UTRN: variants seen among roughly 807,000 people sequenced by gnomAD.
UTRN encodes utrophin.
In UTRN, 283 loss-of-function variants were observed where a neutral mutation model predicts 463.9. That is an observed-to-expected ratio of 0.61 (90% CI 0.55 to 0.67). UTRN has a LOEUF of 0.67. Ranked by LOEUF, UTRN falls within the 30% of genes least tolerant of loss-of-function variation. The probability of loss-of-function intolerance (pLI) is 0.00; values close to 1 mark genes in which losing one functional copy is unlikely to be tolerated. For synonymous variants in UTRN, 1,442 were observed against 1,431.5 expected (o/e 1.01, Z -0.17); for missense variants, 3,922 against 4,084.3 (o/e 0.96, Z 1.08).
chr6:144,512,513 A>G (rs1235509478), intron 35 of UTRN, among the ~76,000 whole-genome samples: 1 of 151,656 alleles, frequency 6.6e-6, no homozygotes. Flanking sequence ...GTTCAGGGGT[A>G]CAAGGGCAAG....
chr6:144,658,495 G>A (rs185429116), intron 51 of UTRN, among the ~76,000 whole-genome samples: 5 of 152,136 alleles, frequency 3.3e-5, no homozygotes, highest in African/African-American at 1.2e-4. Flanking sequence ...TGATATTTAA[G>A]CAACTCATTA....
chr6:144,694,875 T>G (rs1783825084), intron 52 of UTRN, among the ~76,000 whole-genome samples: 1 of 152,068 alleles, frequency 6.6e-6, no homozygotes. Flanking sequence ...ATGGTTTTTT[T>G]GTGTCTCAGT....
intron 51 of UTRN, among the ~76,000 whole-genome samples, chr6:144,620,725 C>A (rs1223341994): frequency 6.6e-6 from 1 of 151,812 alleles, no homozygotes; most frequent in Non-Finnish European, 1.5e-5. Flanking sequence ...TACTTTTTTT[C>A]TTTTTGATCT....
chr6:144,621,720 C>T (rs1314426877), intron 51 of UTRN, among the ~76,000 whole-genome samples: 1 of 152,170 alleles, frequency 6.6e-6, no homozygotes, highest in African/African-American at 2.4e-5. Flanking sequence ...ACCTCAATCA[C>T]TGCCGTATCT....
At chr6:144,674,983 C>G (rs1471256701) in intron 51 of UTRN, among the ~76,000 whole-genome samples, 1 of 152,176 alleles carries the variant, frequency 6.6e-6, no homozygotes, top group Non-Finnish European at 1.5e-5. Context: ...GGATTGGATC[C>G]ATTGCTGGAA....
intron 2 of UTRN, among the ~76,000 whole-genome samples, chr6:144,387,734 T>C (rs1002778057): frequency 6.6e-6 from 1 of 152,254 alleles, no homozygotes; most frequent in South Asian, 2.1e-4. Context: ...TTATCCAGTT[T>C]AGGAGCTTAG....
In UTRN at chr6:144,522,016, G is replaced by C; in HGVS notation, c.5578G>C (p.Ala1860Pro). ...TCAACAGAGGAAAATGGGTCAACTTGCTTCTGGAATTAGATCATCACTTCT... is the reference window on the plus strand; with the variant it reads ...TCAACAGAGGAAAATGGGTCAACTTCCTTCTGGAATTAGATCATCACTTCT... ...PIQQRKMGQLASGIRSSLLPT... is the reference protein window; with the variant it reads ...PIQQRKMGQLPSGIRSSLLPT... The change falls in exon 40 of 75, where the codon GCT (alanine) becomes CCT (proline). Residue 1860 changes from alanine to proline, a missense_variant. Coordinates refer to ENST00000367545, the MANE Select transcript of UTRN (RefSeq NM_007124.3). 6.4e-7 allele frequency: 1 copy of C among 1,572,334 alleles called. No individual in the cohort carries two copies. Among genetic ancestry groups the C allele is most frequent in the Admixed American group, 1.9e-5 (1 of 53,928 alleles).
chr6:144,398,387 C>A, intron 2 of UTRN: 1 of 376,198 alleles, frequency 2.7e-6, no homozygotes, highest in South Asian at 2.5e-5. Context: ...CTTCACTGGG[C>A]ATCTGGCTGG....
chr6:144,508,268 C>T (rs1794858480), intron 34 of UTRN, among the ~76,000 whole-genome samples: 2 of 151,766 alleles, frequency 1.3e-5, no homozygotes, highest in Admixed American at 1.3e-4. Context: ...GCTGGTGTTC[C>T]AGGCACCACT....
intron 51 of UTRN, among the ~76,000 whole-genome samples, chr6:144,599,814 T>C (rs1462513733): frequency 2.6e-5 from 4 of 152,204 alleles, no homozygotes; most frequent in African/African-American, 9.6e-5. Flanking sequence ...CCCCATCTTA[T>C]CACACATAGC....
At chr6:144,446,566 A>G (rs1397148938) in intron 14 of UTRN, among the ~76,000 whole-genome samples, 1 of 152,234 alleles carries the variant, frequency 6.6e-6, no homozygotes, top group Non-Finnish European at 1.5e-5. Context: ...TCCCTTCTTC[A>G]GGATTATCTC....
intron 58 of UTRN, among the ~76,000 whole-genome samples, chr6:144,763,448 A>G (rs1478460271): frequency 6.6e-6 from 1 of 152,174 alleles, no homozygotes; most frequent in Non-Finnish European, 1.5e-5. Flanking sequence ...ACTGAAAGGA[A>G]TTGAAATTTG....
At chr6:144,447,502 C>A in intron 15 of UTRN, 100 bp from the exon 16 acceptor site, 2 of 1,412,824 alleles carry the variant, frequency 1.4e-6, no homozygotes, top group Non-Finnish European at 9.7e-7. Context: ...AAAGCATGTA[C>A]ATTTTACTAT....
intron 2 of UTRN, among the ~76,000 whole-genome samples, chr6:144,388,510 T>TTATTTATTTATC (rs1781616307): frequency 6.6e-6 from 1 of 151,352 alleles, no homozygotes; most frequent in African/African-American, 2.4e-5. Flanking sequence ...ATTTATTTAT[T>TTATTTATTTATC]TATTTATTTG....
chr6:144,429,827 T>C, intron 9 of UTRN, 86 bp downstream of exon 9: 1 of 1,421,644 alleles, frequency 7.0e-7, no homozygotes, highest in Non-Finnish European at 9.5e-7. Context: ...AGAGGGTTTT[T>C]TTCTTGACTG....
In UTRN at chr6:144,423,639, T is replaced by G. The variant is rs776239327; in HGVS notation, c.312+13T>G. 3.0e-5 allele frequency: 49 copies of G among 1,613,956 alleles called. 1 individual carries two copies. The highest frequency in any genetic ancestry group is 2.5e-4 in the South Asian group (23 of 91,086). ...ACATCAGAACAATGTAAGTGTGTAATGTGAGTTCTGGGGGTCTGTGCTGCC... is the reference window on the plus strand; with the variant it reads ...ACATCAGAACAATGTAAGTGTGTAAGGTGAGTTCTGGGGGTCTGTGCTGCC... On this transcript the variant is annotated intron_variant, in intron 5 of 74. Transcript: ENST00000367545.
Position 144,789,267 on chromosome 6 carries a change from G to A in UTRN, c.8908G>A (p.Glu2970Lys), listed in dbSNP as rs148004522. Residue 2970 changes from glutamate to lysine, a missense_variant, in exon 62 of 75, where the codon GAA (glutamate) becomes AAA (lysine). Physicochemically the swap from Glu to Lys is moderately conservative, Grantham distance 56 (BLOSUM62 1). Transcript: ENST00000367545. ...LMSLSKGLLE[E>K]KYRYLFKEVA... ...GTCTCTCTCCAAAGGTCTCTTGGAA[G>A]AAAAATACAGATGTATGTAAGACCT... 1 of 1,612,276 alleles carries A rather than the reference G, an allele frequency of 6.2e-7. No homozygotes were observed. The highest frequency in any genetic ancestry group is 8.5e-7 in the Non-Finnish European group (1 of 1,179,072).
At chr6:144,566,541 T>G (rs1021584147) in intron 50 of UTRN, among the ~76,000 whole-genome samples, 2 of 152,020 alleles carry the variant, frequency 1.3e-5, no homozygotes, top group African/African-American at 4.8e-5. Context: ...TAATAGTGTC[T>G]AATGTGTCCC....
Position 144,438,801 on chromosome 6 carries a change from G to A in UTRN, c.1298G>A (p.Trp433Ter), listed in dbSNP as rs1166123474. The change falls in exon 12 of 75, where the codon TGG becomes TAG. Residue 433 changes from tryptophan (W) to a stop codon, truncating the protein, a stop_gained. Transcript: ENST00000367545. LOFTEE classifies it high-confidence loss of function. ...AAGCAACTGCAGCAGCTCTCCGCCT[G>A]GTTAACACTCACAGAGGAGCGCATT... ...QKKQLQQLSA[W>*]LTLTEERIQK... 2 of 1,614,178 alleles carry A rather than the reference G, an allele frequency of 1.2e-6. No individual in the cohort carries two copies. Among genetic ancestry groups the A allele is most frequent in the Non-Finnish European group, 1.7e-6 (2 of 1,180,032 alleles).
Sources: allele counts gnomAD v4.1 joint callset (sites outside exome capture counted in the v4.1 genomes callset), GRCh38; gene constraint gnomAD v4.1.1; transcripts MANE v1.5; gene names NCBI Gene and HGNC (gene_info 2026-07-23, HGNC 2026-07-21).